LRRTM4: variants seen among roughly 807,000 people sequenced by gnomAD.
The protein encoded by LRRTM4 is leucine rich repeat transmembrane neuronal 4.
Under a neutral mutation model 47.6 loss-of-function variants are expected in LRRTM4, and 25 were observed. The ratio of observed to expected loss-of-function variants is 0.53; its 90% CI spans 0.38 to 0.73. The LOEUF (loss-of-function observed/expected upper bound fraction) is 0.73, where lower values mean the gene tolerates loss of function less well. LRRTM4 is among the 30% of genes least tolerant of loss of function. The pLI, the probability that LRRTM4 is intolerant of heterozygous loss-of-function variation, is 0.00. For missense variants in LRRTM4, 638 were observed against 713.4 expected, an observed-to-expected ratio of 0.89 and a Z score of 1.20; for synonymous variants, 311 against 269.5, an observed-to-expected ratio of 1.15 and a Z score of -1.51.
chr2:77,467,355 A>G (rs1243880940), intron 3 of LRRTM4, among the ~76,000 whole-genome samples: 2 of 152,156 alleles, frequency 1.3e-5, no homozygotes, highest in African/African-American at 4.8e-5. Context: ...TCTGTCATGC[A>G]GGACTCAGAA....
chr2:77,049,460 T>C (rs1326407721), intron 3 of LRRTM4, among the ~76,000 whole-genome samples: 1 of 151,636 alleles, frequency 6.6e-6, no homozygotes, highest in Non-Finnish European at 1.5e-5. Context: ...ATTTTGTTAT[T>C]TTTTGTCTTT....
At chr2:76,973,581 C>CA (rs1281978158) in intron 3 of LRRTM4, among the ~76,000 whole-genome samples, 7 of 151,894 alleles carry the variant, frequency 4.6e-5, no homozygotes, top group African/African-American at 1.7e-4. Context: ...TCCTGGGAGA[C>CA]AAGAGGTATT....
chr2:77,520,933 T>G (rs371515939), intron 2 of LRRTM4, among the ~76,000 whole-genome samples: 2 of 152,036 alleles, frequency 1.3e-5, no homozygotes, highest in African/African-American at 4.8e-5. Context: ...AACTACCATG[T>G]GTTGCAGTTT....
At chr2:76,757,760 A>C (rs1673102501) in intron 3 of LRRTM4, among the ~76,000 whole-genome samples, 2 of 152,154 alleles carry the variant, frequency 1.3e-5, no homozygotes, top group South Asian at 4.1e-4. Flanking sequence ...TAGAAGTTTT[A>C]ATGACATACA....
At chr2:77,291,611 T>C (rs2104130413) in intron 3 of LRRTM4, among the ~76,000 whole-genome samples, 1 of 152,218 alleles carries the variant, frequency 6.6e-6, no homozygotes, top group East Asian at 1.9e-4. Context: ...ACTGAAAATC[T>C]TAATGAGATA....
intron 3 of LRRTM4, among the ~76,000 whole-genome samples, chr2:76,864,383 C>T (rs539093746): frequency 1.4e-4 from 22 of 152,180 alleles, no homozygotes; most frequent in Non-Finnish European, 5.9e-5. Context: ...GTGGGCTGGG[C>T]GTGGTGGCTC....
At chr2:77,314,904 C>T (rs1157629941) in intron 3 of LRRTM4, among the ~76,000 whole-genome samples, 1 of 152,154 alleles carries the variant, frequency 6.6e-6, no homozygotes, top group Non-Finnish European at 1.5e-5. Flanking sequence ...GCCAGGCAAT[C>T]ACGAGGGTAA....
At chr2:76,768,323 A>C (rs1673537320) in intron 3 of LRRTM4, among the ~76,000 whole-genome samples, 1 of 150,712 alleles carries the variant, frequency 6.6e-6, no homozygotes, top group African/African-American at 2.5e-5. Flanking sequence ...CACAACACTT[A>C]ATATCAAAAG....
At chr2:76,942,936 A>G (rs1030325991) in intron 3 of LRRTM4, among the ~76,000 whole-genome samples, 2 of 152,178 alleles carry the variant, frequency 1.3e-5, no homozygotes, top group African/African-American at 4.8e-5. Flanking sequence ...TAAGTAATTC[A>G]AGATTATTTA....
At chr2:77,004,654 G>C (rs1467217398) in intron 3 of LRRTM4, among the ~76,000 whole-genome samples, 2 of 152,098 alleles carry the variant, frequency 1.3e-5, no homozygotes, top group Admixed American at 1.3e-4. Flanking sequence ...CTGTGAGAAT[G>C]GGGCCACCGT....
chr2:77,499,770 A>T lies in LRRTM4; in HGVS notation c.1551+18548T>A, dbSNP rs1483954181. ...TAGTCCCTGCAAGTTAATAATCTTT[A>T]TTTATATATGTTGCTTTGTGTACCA... On this transcript the variant is annotated intron_variant, in intron 3 of 3. Transcript: ENST00000409884. 5.3e-5 allele frequency among the ~76,000 whole-genome samples: 8 copies of T among 151,840 alleles called. No individual in the cohort carries two copies. The East Asian group carries it at 1.5e-3, about 29-fold the overall frequency.
chr2:77,096,267 G>T (rs531511139), intron 3 of LRRTM4, among the ~76,000 whole-genome samples: 1 of 151,692 alleles, frequency 6.6e-6, no homozygotes, highest in Admixed American at 6.6e-5. Flanking sequence ...GTGGAATAAT[G>T]CCTTCAAAAT....
intron 3 of LRRTM4, among the ~76,000 whole-genome samples, chr2:76,879,393 C>T (rs891158160): frequency 6.6e-6 from 1 of 152,170 alleles, no homozygotes; most frequent in Non-Finnish European, 1.5e-5. Context: ...AAGAATTATA[C>T]TAAAACTACT....
chr2:77,117,928 T>C (rs1671431516), intron 3 of LRRTM4, among the ~76,000 whole-genome samples: 1 of 151,928 alleles, frequency 6.6e-6, no homozygotes, highest in Non-Finnish European at 1.5e-5. Context: ...ATAGAATAAC[T>C]TGGTCTCCAT....
At chr2:76,811,942 T>G (rs143051660) in intron 3 of LRRTM4, among the ~76,000 whole-genome samples, 4 of 152,336 alleles carry the variant, frequency 2.6e-5, no homozygotes, top group African/African-American at 9.6e-5. Flanking sequence ...ATAGGTTTAC[T>G]CCTTTACTTT....
chr2:76,797,269 A>G (rs10221733), intron 3 of LRRTM4, among the ~76,000 whole-genome samples: 17,471 of 152,000 alleles, frequency 0.11, 1,245 homozygotes, highest in Non-Finnish European at 0.15. Context: ...CGGATCTCTC[A>G]GCAGAAACCC....
At chr2:77,476,402 C>T (rs1326710331) in intron 3 of LRRTM4, among the ~76,000 whole-genome samples, 1 of 151,980 alleles carries the variant, frequency 6.6e-6, no homozygotes, top group Non-Finnish European at 1.5e-5. Context: ...GGTAAATATA[C>T]AGGTCAAATC....
At chr2:77,235,995 A>G (rs989847390) in intron 3 of LRRTM4, among the ~76,000 whole-genome samples, 1 of 152,016 alleles carries the variant, frequency 6.6e-6, no homozygotes, top group African/African-American at 2.4e-5. Flanking sequence ...TGCTTTGGCT[A>G]TTTGAATTCC....
At chr2:77,501,373 A>G (rs1265080724) in intron 3 of LRRTM4, among the ~76,000 whole-genome samples, 1 of 150,808 alleles carries the variant, frequency 6.6e-6, no homozygotes, top group East Asian at 1.9e-4. Flanking sequence ...AATATAATGC[A>G]TAAAATGTTA....
Sources: allele counts gnomAD v4.1 joint callset (sites outside exome capture counted in the v4.1 genomes callset), GRCh38; gene constraint gnomAD v4.1.1; transcripts MANE v1.5; gene names NCBI Gene and HGNC (gene_info 2026-07-23, HGNC 2026-07-21).